Variants in DOCK7 observed in about 807,000 individuals in gnomAD.
DOCK7 encodes the protein dedicator of cytokinesis protein 7.
DOCK7 carries 138 observed loss-of-function variants against 271.0 expected under a neutral mutation model. That is an observed-to-expected ratio of 0.51 (90% CI 0.44 to 0.59). The LOEUF (loss-of-function observed/expected upper bound fraction) is 0.59, where lower values mean the gene tolerates loss of function less well. Among genes scored for constraint, DOCK7 ranks in the 20% least tolerant of loss-of-function variants. The pLI, the probability that DOCK7 is intolerant of heterozygous loss-of-function variation, is 0.00. For synonymous variants in DOCK7, 823 were observed against 876.1 expected, an observed-to-expected ratio of 0.94 and a Z score of 1.07; for missense variants, 2,066 against 2,592.4, an observed-to-expected ratio of 0.80 and a Z score of 4.41.
At chr1:62,631,572 G>C (rs1654631504) in intron 10 of DOCK7, among the ~76,000 whole-genome samples, 167 bp from the exon 11 acceptor site, 1 of 152,264 alleles carries the variant, frequency 6.6e-6, no homozygotes, top group South Asian at 2.1e-4. Flanking sequence ...ATCTTAACCA[G>C]TGAACAAACT....
At chr1:62,587,548 T>G (rs1483540744) in intron 14 of DOCK7, among the ~76,000 whole-genome samples, 4 of 151,874 alleles carry the variant, frequency 2.6e-5, no homozygotes, top group Admixed American at 6.5e-5. Flanking sequence ...ATGATTGTGT[T>G]CAAAGTAATT....
At chr1:62,677,582 C>T (rs562869150) in intron 1 of DOCK7, among the ~76,000 whole-genome samples, 2 of 151,902 alleles carry the variant, frequency 1.3e-5, no homozygotes, top group East Asian at 1.9e-4. Context: ...AAAAAGCCAC[C>T]GAAAAAGCAG....
intron 43 of DOCK7, chr1:62,482,344 ATTTTTTTTT>A: frequency 8.0e-6 from 1 of 125,308 alleles, no homozygotes; most frequent in South Asian, 2.7e-4. Flanking sequence ...GACTCTAAGC[ATTTTTTTTT>A]TTTTTTTTGA....
Position 62,537,903 on chromosome 1 carries a change from A to G in DOCK7, c.3459T>C (p.Ser1153=), listed in dbSNP as rs750947801. 1.9e-6 allele frequency: 3 copies of G among 1,613,462 alleles called. No individual in the cohort carries two copies. The highest frequency in any genetic ancestry group is 2.5e-6 in the Non-Finnish European group (3 of 1,179,538). The change falls in exon 28 of 50, where the codon TCT becomes TCC. Residue 1153 remains serine (S), a synonymous_variant. Transcript: ENST00000635253. The part of the protein sequence containing the change: ...PPASPSPSVS[S]ATSQSSGFST... ...ACAATTTGCATACCTGAGATGTTGC[A>G]GAAGAAACAGAAGGTGATGGAGATG...
At chr1:62,528,115 C>G (rs1358442430) in intron 31 of DOCK7, 36 bp downstream of exon 31, 12 of 1,576,190 alleles carry the variant, frequency 7.6e-6, no homozygotes, top group Non-Finnish European at 9.5e-6. Flanking sequence ...ATTTGTCTTT[C>G]TAGAAAAAAA....
rs546232180 is a variant in DOCK7, at chr1:62,613,578, A to G, written c.1682+5128T>C. ...CATAATAAAAGTAAATTAAACTAAT[A>G]TAGACCTCTTTAGACAGCTTTCTCT... On this transcript the variant is annotated intron_variant, in intron 14 of 49. Transcript: ENST00000635253. Among the ~76,000 whole-genome samples the G allele has an allele frequency of 3.3e-5, 5 of 152,326 alleles. No individual in the cohort carries two copies. In the East Asian group the frequency reaches 9.6e-4, roughly 29 times the overall value.
intron 49 of DOCK7, 39 bp from the exon 50 acceptor site, chr1:62,455,495 AC>A (rs1246189767): frequency 3.1e-6 from 5 of 1,593,602 alleles, no homozygotes; most frequent in Non-Finnish European, 4.3e-6. Context: ...GTTAAAGAGA[AC>A]AATTTTTGCA....
chr1:62,521,041 G>A lies in DOCK7; in HGVS notation c.3936+7110C>T, dbSNP rs924425773. Among the ~76,000 whole-genome samples the A allele has an allele frequency of 2.0e-5, 3 of 151,040 alleles. 1 individual carries two copies. Among genetic ancestry groups the A allele is most frequent in the Non-Finnish European group, 2.9e-5 (2 of 67,832 alleles). On this transcript the variant is annotated intron_variant, in intron 31 of 49. Coordinates refer to ENST00000635253, the MANE Select transcript of DOCK7 (RefSeq NM_001367561.1). ...ACCACATGTTCTCACTCATAGGTGG[G>A]AGTCGAACAATGAGAACACATGAAC...
At chr1:62,567,790 T>C (rs1201241588) in intron 18 of DOCK7, among the ~76,000 whole-genome samples, 2 of 149,578 alleles carry the variant, frequency 1.3e-5, no homozygotes, top group Admixed American at 1.3e-4. Flanking sequence ...GCAGAGTAAG[T>C]TGAAACCCAT....
chr1:62,602,335 A>G, intron 14 of DOCK7: 1 of 1,610,956 alleles, frequency 6.2e-7, no homozygotes, highest in East Asian at 2.2e-5. Context: ...ACAAAACTTC[A>G]ATGAAACGTG....
chr1:62,507,072 T>C (rs1571331921), intron 35 of DOCK7, among the ~76,000 whole-genome samples: 1 of 151,930 alleles, frequency 6.6e-6, no homozygotes, highest in African/African-American at 2.4e-5. Flanking sequence ...GCTTCCCAAA[T>C]TGCTGGGATT....
intron 14 of DOCK7, chr1:62,609,038 T>C (rs1203101475): frequency 6.6e-6 from 1 of 152,160 alleles, no homozygotes; most frequent in Non-Finnish European, 1.5e-5. Context: ...TCTGCACTTA[T>C]GTATGTACTA....
At chr1:62,502,989 T>C (rs968037136) in intron 37 of DOCK7, among the ~76,000 whole-genome samples, 3 of 151,566 alleles carry the variant, frequency 2.0e-5, no homozygotes, top group Non-Finnish European at 4.4e-5. Flanking sequence ...AAAGCAGAGG[T>C]CAAAATCTTA....
rs1433342348 is a variant in DOCK7 at position 62,678,475 on chromosome 1, T to G, written c.38+9752A>C. ...GAACCTGACAGAGCAAATTATAAAA[T>G]TTCATTGTACAACATAAAGAAGACC... On this transcript the variant is annotated intron_variant, in intron 1 of 49. Coordinates refer to ENST00000635253, the MANE Select transcript of DOCK7 (RefSeq NM_001367561.1). Among the ~76,000 whole-genome samples the G allele has an allele frequency of 2.0e-5, 3 of 152,104 alleles. No individual in the cohort carries two copies. The East Asian group carries it at 5.8e-4, about 29-fold the overall frequency.
chr1:62,511,812 A>C (rs533960704), intron 33 of DOCK7, among the ~76,000 whole-genome samples: 35 of 152,056 alleles, frequency 2.3e-4, no homozygotes, highest in Non-Finnish European at 3.8e-4. Context: ...ATTAACTATA[A>C]TATTCTATCA....
chr1:62,633,290 A>G (rs1443091329), intron 10 of DOCK7, among the ~76,000 whole-genome samples: 1 of 152,208 alleles, frequency 6.6e-6, no homozygotes, highest in Non-Finnish European at 1.5e-5. Context: ...CATATGACAC[A>G]GGCTAGGTGA....
At chr1:62,600,773 A>G (rs566430516) in intron 14 of DOCK7, among the ~76,000 whole-genome samples, 1 of 151,858 alleles carries the variant, frequency 6.6e-6, no homozygotes, top group Non-Finnish European at 1.5e-5. Flanking sequence ...TTTTATTCAT[A>G]TAAATAAAAG....
intron 7 of DOCK7, among the ~76,000 whole-genome samples, chr1:62,643,829 T>C (rs775510626): frequency 1.3e-5 from 2 of 152,048 alleles, no homozygotes; most frequent in African/African-American, 4.8e-5. Context: ...TTCAGTTTTA[T>C]CATCAAGTTC....
At chr1:62,532,309 G>GAGATTA (rs1557676601) in intron 29 of DOCK7, among the ~76,000 whole-genome samples, 2 of 152,256 alleles carry the variant, frequency 1.3e-5, no homozygotes, top group East Asian at 3.9e-4. Flanking sequence ...TGCTGAGATT[G>GAGATTA]TAGGTGTGAG....
Sources: gnomAD v4.1 joint callset for allele counts (sites outside exome capture counted in the v4.1 genomes callset) on GRCh38, gnomAD v4.1.1 for gene constraint, MANE v1.5 for transcripts, NCBI Gene and HGNC (gene_info 2026-07-23, HGNC 2026-07-21) for gene names.